TCEA1: variants seen among roughly 807,000 people sequenced by gnomAD.
TCEA1 encodes the protein transcription elongation factor A protein 1.
A neutral mutation model predicts 43.8 loss-of-function variants in TCEA1; 21 were observed. The ratio of observed to expected loss-of-function variants is 0.48; its 90% confidence interval spans 0.34 to 0.69. The LOEUF is 0.69. Among genes scored for constraint, TCEA1 ranks in the 30% least tolerant of loss-of-function variants. The pLI is 0.01. For missense variants in TCEA1, 250 were observed against 365.1 expected (o/e 0.68, Z 2.57); for synonymous variants, 104 against 117.5 (o/e 0.88, Z 0.75).
In TCEA1 at chr8:54,010,410, T is replaced by C. The variant is rs765520748; in HGVS notation, c.126+20A>G. 13 of 1,579,802 alleles carry C rather than the reference T, an allele frequency of 8.2e-6. No individual in the cohort carries two copies. In the East Asian group the frequency reaches 1.1e-4, roughly 14 times the overall value. Reference sequence around the variant, plus strand: ...TGACGACTACCTATTAAAAAAACTTTGATGCATAAAAGCACATACCTGCAG... The same window carrying C: ...TGACGACTACCTATTAAAAAAACTTCGATGCATAAAAGCACATACCTGCAG... On this transcript the variant is annotated intron_variant, in intron 2 of 9. Coordinates refer to ENST00000521604, the MANE Select transcript of TCEA1 (RefSeq NM_006756.4).
rs1803708965 is a variant in TCEA1, at chr8:53,987,002, C to T, written c.490G>A (p.Asp164Asn). ...ATTTGAGATCCTAATTCTTCCTCAT[C>T]AGCTCCAATTGCAATGTAGTCATCT... is the stretch of plus-strand genomic sequence containing the variant. ...TGDDYIAIGA[D>N]EEELGSQIEE... The change falls in exon 6 of 10, where the codon GAT becomes AAT. Residue 164 changes from aspartate (D) to asparagine (N), a missense_variant. By Grantham distance (23) the Asp-to-Asn change is conservative. This residue lies in a region of TCEA1 where 147 missense variants were observed against 160.3 expected (regional missense o/e 0.92). Coordinates refer to ENST00000521604, the MANE Select transcript of TCEA1 (RefSeq NM_006756.4). 1.9e-6 allele frequency: 3 copies of T among 1,601,538 alleles called. No individual in the cohort carries two copies. Among genetic ancestry groups the T allele is most frequent in the Non-Finnish European group, 2.6e-6 (3 of 1,174,354 alleles).
chr8:53,995,088 G>T (rs1251955344), intron 3 of TCEA1, among the ~76,000 whole-genome samples: 3 of 151,994 alleles, frequency 2.0e-5, no homozygotes, highest in East Asian at 3.9e-4. Context: ...ATCACTTGAG[G>T]TCAGGAGTTC....
intron 1 of TCEA1, among the ~76,000 whole-genome samples, chr8:54,020,019 T>C (rs1045173416): frequency 6.6e-6 from 1 of 152,230 alleles, no homozygotes; most frequent in African/African-American, 2.4e-5. Flanking sequence ...ATCTGAAAAT[T>C]TGTTGACGAT....
chr8:53,992,912 C>G (rs1302369473), intron 4 of TCEA1, among the ~76,000 whole-genome samples: 1 of 150,530 alleles, frequency 6.6e-6, no homozygotes, highest in Non-Finnish European at 1.5e-5. Flanking sequence ...AATCTGAACT[C>G]TTTGTTAATG....
intron 8 of TCEA1, chr8:53,973,142 T>G (rs1461468342): frequency 1.0e-5 from 6 of 575,002 alleles, no homozygotes; most frequent in Admixed American, 4.9e-5. Flanking sequence ...ATGAAGTCAA[T>G]GTAGAAGAAG....
chr8:53,970,541 T>C, intron 8 of TCEA1, 78 bp from the exon 9 acceptor site: 7 of 692,390 alleles, frequency 1.0e-5, no homozygotes, highest in African/African-American at 1.8e-5. Context: ...TACATAAAGA[T>C]ATATATTTAA....
intron 1 of TCEA1, among the ~76,000 whole-genome samples, chr8:54,011,665 C>T (rs966529374): frequency 2.6e-5 from 4 of 152,186 alleles, no homozygotes; most frequent in Non-Finnish European, 4.4e-5. Flanking sequence ...AACCACAGCA[C>T]GTCCCTCATT....
rs1803021880 is a variant in TCEA1 at position 53,967,580 on chromosome 8, T to G, written c.*524A>C. On this transcript the variant is annotated 3_prime_UTR_variant, in exon 10 of 10. Transcript: ENST00000521604. ...TGTGAACATAATAATTAAAATCAAA[T>G]TCATAAGCTACCTCAAAATTATGTA... 5.0e-6 allele frequency: 1 copy of G among 198,250 alleles called. No individual in the cohort carries two copies. Among genetic ancestry groups the G allele is most frequent in the African/African-American group, 2.3e-5 (1 of 43,324 alleles). 12.3% of individuals were successfully genotyped at this position (198,250 alleles called of 1,614,324 possible).
chr8:54,003,155 T>A (rs559360051), intron 2 of TCEA1: 1 of 433,554 alleles, frequency 2.3e-6, no homozygotes, highest in African/African-American at 2.0e-5. Flanking sequence ...AAAACATACA[T>A]TTAAAACACA....
In TCEA1 at chr8:54,013,477, G is replaced by A. The variant is rs189920164; in HGVS notation, c.64-2985C>T. Among the ~76,000 whole-genome samples, 9 of 151,982 alleles carry A rather than the reference G, an allele frequency of 5.9e-5. No homozygotes were observed. The East Asian group carries it at 1.7e-3, about 29-fold the overall frequency. On this transcript the variant is annotated intron_variant, in intron 1 of 9. Coordinates refer to ENST00000521604, the MANE Select transcript of TCEA1 (RefSeq NM_006756.4). The stretch of plus-strand genomic sequence containing the variant: ...AGGATCAACCTGAGCTCAGGAGTTC[G>A]AGACCAGCCTGGCCAACATGGTGAA...
Position 53,984,513 on chromosome 8 carries a change from T to C in TCEA1, c.528A>G (p.Ile176Met), listed in dbSNP as rs1803623303. ...EELGSQIEEA[I>M]YQEIRNTDMK... is the part of the protein sequence containing the mutation. ...TGTCTGTATTCCTTATTTCTTGATA[T>C]ATAGGTACCAGGCCGTTAAGGAAAA... The change falls in exon 7 of 10, where the codon ATA (isoleucine) becomes ATG (methionine). Residue 176 changes from isoleucine to methionine, a missense_variant. Ile to Met is a conservative substitution (Grantham distance 10). This residue lies in a region of TCEA1 where 147 missense variants were observed against 160.3 expected (regional missense o/e 0.92). Transcript: ENST00000521604. The C allele has an allele frequency of 7.6e-6, 12 of 1,579,392 alleles. No individual in the cohort carries two copies. The highest frequency in any genetic ancestry group is 2.3e-5 in the East Asian group (1 of 44,348).
intron 2 of TCEA1, chr8:54,002,997 C>T: frequency 6.6e-6 from 3 of 456,230 alleles, no homozygotes; most frequent in South Asian, 4.6e-5. Flanking sequence ...GTTAACATCA[C>T]AGGAAACAAG....
chr8:53,989,850 G>C (rs940776355), intron 4 of TCEA1, among the ~76,000 whole-genome samples: 6 of 152,214 alleles, frequency 3.9e-5, no homozygotes, highest in Admixed American at 6.5e-5. Flanking sequence ...AGCTCATGCA[G>C]CTTTGAACTC....
intron 8 of TCEA1, chr8:53,973,200 A>G (rs1008599156): frequency 6.2e-6 from 3 of 487,384 alleles, no homozygotes; most frequent in Non-Finnish European, 1.1e-5. Context: ...ATCACTAAAT[A>G]TAGGCAACTT....
At chr8:54,021,105 C>T (rs960874843) in intron 1 of TCEA1, among the ~76,000 whole-genome samples, 5 of 152,168 alleles carry the variant, frequency 3.3e-5, no homozygotes, top group African/African-American at 1.2e-4. Flanking sequence ...AGGAGAATCA[C>T]TTGAACCCGA....
chr8:53,981,909 C>A (rs1803516967), intron 7 of TCEA1, among the ~76,000 whole-genome samples: 1 of 151,174 alleles, frequency 6.6e-6, no homozygotes, highest in Non-Finnish European at 1.5e-5. Context: ...CGCACCACAC[C>A]ATGCCCAGCT....
intron 3 of TCEA1, among the ~76,000 whole-genome samples, chr8:53,999,208 G>C (rs1804169097): frequency 1.7e-5 from 2 of 120,974 alleles, no homozygotes; most frequent in African/African-American, 3.3e-5. Flanking sequence ...CTGGGCAACA[G>C]AGTGAGACTC....
intron 7 of TCEA1, 48 bp from the exon 8 acceptor site, chr8:53,979,219 A>G (rs966748030): frequency 2.0e-6 from 3 of 1,509,308 alleles, no homozygotes; most frequent in Non-Finnish European, 2.7e-6. Context: ...CCTTCTATAT[A>G]TATCCTGAAT....
Position 53,984,565 on chromosome 8 carries a change from CT to C in TCEA1, c.524-49del, listed in dbSNP as rs528133863. The C allele has an allele frequency of 8.1e-5, 118 of 1,462,348 alleles. 2 individuals carry two copies. The South Asian group carries it at 1.0e-3, about 12-fold the overall frequency. 90.6% of individuals were successfully genotyped at this position (1,462,348 alleles called of 1,614,324 possible). A position where few individuals can be genotyped will look rare whatever the true frequency, so the allele number is the denominator to read the frequency against. On this transcript the variant is annotated intron_variant, in intron 6 of 9. Transcript: ENST00000521604. Reference sequence around the variant, plus strand: ...AGGCAAAATTACAAAAGTAAGATCACTTTTTTTTCCTGTTCTGCCAAAATAA... The same window carrying C: ...AGGCAAAATTACAAAAGTAAGATCACTTTTTTTCCTGTTCTGCCAAAATAA...
Sources: gnomAD v4.1 joint callset for allele counts (sites outside exome capture counted in the v4.1 genomes callset) on GRCh38, gnomAD v4.1.1 for gene constraint, gnomAD v4.1.1 regional missense constraint, MANE v1.5 for transcripts, NCBI Gene and HGNC (gene_info 2026-07-23, HGNC 2026-07-21) for gene names.